Variants in EYA2 observed in about 807,000 individuals in gnomAD.
The protein encoded by EYA2 is EYA transcriptional coactivator and phosphatase 2.
Under a neutral mutation model 69.2 loss-of-function variants are expected in EYA2, and 31 were observed. That is an observed-to-expected ratio of 0.45 (90% CI 0.34 to 0.60). The LOEUF is 0.60. Among genes scored for constraint, EYA2 ranks in the 20% least tolerant of loss-of-function variants. EYA2 has a pLI of 0.02. For synonymous variants in EYA2, 257 were observed against 279.4 expected (o/e 0.92, Z 0.80); for missense variants, 622 against 701.2 (o/e 0.89, Z 1.28).
chr20:46,897,717 T>G (rs1415209266), intron 1 of EYA2, among the ~76,000 whole-genome samples: 1 of 152,218 alleles, frequency 6.6e-6, no homozygotes, highest in African/African-American at 2.4e-5. Context: ...GAAGAGAGCC[T>G]GTGGCTGTCA....
intron 1 of EYA2, among the ~76,000 whole-genome samples, chr20:46,909,630 T>C (rs1984549457): frequency 6.6e-6 from 1 of 152,228 alleles, no homozygotes; most frequent in Admixed American, 6.5e-5. Context: ...AGAGCTCAGA[T>C]GCAGGTCATG....
chr20:46,969,242 T>G (rs35601418), intron 1 of EYA2, among the ~76,000 whole-genome samples: 53,267 of 151,988 alleles, frequency 0.35, 10,795 homozygotes, highest in Non-Finnish European at 0.46. Flanking sequence ...TTGTTTGTTT[T>G]TTTGACACTT....
intron 1 of EYA2, among the ~76,000 whole-genome samples, chr20:46,936,863 C>G (rs1399565306): frequency 6.6e-6 from 1 of 152,134 alleles, no homozygotes; most frequent in Non-Finnish European, 1.5e-5. Flanking sequence ...CTGCCTCATG[C>G]CTGGAATAAT....
chr20:47,125,354 A>G (rs890588634), intron 9 of EYA2, among the ~76,000 whole-genome samples: 1 of 152,056 alleles, frequency 6.6e-6, no homozygotes, highest in African/African-American at 2.4e-5. Context: ...CTGCCTGGCC[A>G]GTTAAGTTCT....
At chr20:47,007,872 C>T (rs1299117376) in intron 4 of EYA2, among the ~76,000 whole-genome samples, 1 of 152,094 alleles carries the variant, frequency 6.6e-6, no homozygotes, top group Non-Finnish European at 1.5e-5. Flanking sequence ...AAGCAATCCT[C>T]CTATCTCTGC....
chr20:47,180,076 AG>A (rs1223441022), intron 13 of EYA2, among the ~76,000 whole-genome samples, 164 bp downstream of exon 13: 1 of 152,010 alleles, frequency 6.6e-6, no homozygotes, highest in Non-Finnish European at 1.5e-5. Flanking sequence ...TCTGTCGCCC[AG>A]GCTGGAGTGC....
intron 5 of EYA2, among the ~76,000 whole-genome samples, chr20:47,027,953 C>T (rs1600651997): frequency 6.6e-6 from 1 of 152,152 alleles, no homozygotes; most frequent in African/African-American, 2.4e-5. Context: ...TGTTTCCCGC[C>T]CCTAAAATTC....
chr20:46,986,865 C>T (rs886553541), intron 1 of EYA2, among the ~76,000 whole-genome samples: 1 of 152,124 alleles, frequency 6.6e-6, no homozygotes, highest in Admixed American at 6.5e-5. Flanking sequence ...TCCCACTAGC[C>T]CCACAACACT....
At chr20:47,026,514 CAAA>C (rs531562167) in intron 5 of EYA2, among the ~76,000 whole-genome samples, 1 of 148,540 alleles carries the variant, frequency 6.7e-6, no homozygotes, top group Non-Finnish European at 1.5e-5. Context: ...AGCAAACAAA[CAAA>C]AAAAAAGAAA....
intron 5 of EYA2, among the ~76,000 whole-genome samples, chr20:47,056,038 CT>C (rs1458733844): frequency 6.6e-6 from 1 of 152,228 alleles, no homozygotes; most frequent in African/African-American, 2.4e-5. Flanking sequence ...GGCAGCCTAT[CT>C]GAAATGGCGT....
chr20:47,170,611 C>T (rs1300831709), intron 11 of EYA2, among the ~76,000 whole-genome samples: 1 of 150,802 alleles, frequency 6.6e-6, no homozygotes, highest in Non-Finnish European at 1.5e-5. Context: ...CGTGCCACTG[C>T]ACTCCAGCCT....
intron 1 of EYA2, among the ~76,000 whole-genome samples, chr20:46,961,659 G>A (rs35666081): frequency 0.35 from 53,698 of 152,012 alleles, 10,567 homozygotes; most frequent in Admixed American, 0.51. Context: ...AATGTGGTAG[G>A]TACATATACA....
intron 11 of EYA2, among the ~76,000 whole-genome samples, chr20:47,170,089 G>A (rs1471335112): frequency 2.6e-5 from 4 of 151,602 alleles, no homozygotes; most frequent in Admixed American, 2.6e-4. Flanking sequence ...TGTTTTTTTA[G>A]TAGAGGCGGG....
chr20:46,992,919 C>T (rs997989644), intron 2 of EYA2, among the ~76,000 whole-genome samples: 3 of 152,180 alleles, frequency 2.0e-5, no homozygotes, highest in African/African-American at 7.2e-5. Context: ...GCCTACTGTT[C>T]TCCCTCCTCC....
chr20:47,014,846 C>T (rs1175703014), intron 4 of EYA2, among the ~76,000 whole-genome samples: 1 of 151,924 alleles, frequency 6.6e-6, no homozygotes, highest in East Asian at 1.9e-4. Flanking sequence ...CTCAAAACCA[C>T]CCAAAAGTTA....
rs2034697220 is a variant in EYA2, at chr20:47,188,629, G to A, written c.*496G>A. ...TCTATTCTCCAAGTTGTGCTTTGTG[G>A]GGACAATCATTCTTTGAACATTAGA... is the stretch of plus-strand genomic sequence containing the variant. On this transcript the variant is annotated 3_prime_UTR_variant, in exon 16 of 16. Coordinates refer to ENST00000327619, the MANE Select transcript of EYA2 (RefSeq NM_005244.5). 1 of 358,944 alleles carries A rather than the reference G, an allele frequency of 2.8e-6. No individual in the cohort carries two copies. The allele number at this position is 358,944 out of a possible 1,614,324, so 22.2% of individuals were successfully genotyped here.
At chr20:47,133,491 T>G (rs979496225) in intron 9 of EYA2, among the ~76,000 whole-genome samples, 3 of 152,164 alleles carry the variant, frequency 2.0e-5, no homozygotes, top group African/African-American at 7.2e-5. Context: ...GCTGCCTCCT[T>G]TGCTAACCGG....
chr20:46,995,779 GAAC>G (rs1423100626), intron 2 of EYA2, among the ~76,000 whole-genome samples: 1 of 152,190 alleles, frequency 6.6e-6, no homozygotes, highest in Non-Finnish European at 1.5e-5. Context: ...AAAAAAGTGT[GAAC>G]ATTCAAATTG....
intron 1 of EYA2, among the ~76,000 whole-genome samples, chr20:46,937,061 A>C (rs893322442): frequency 2.6e-5 from 4 of 152,192 alleles, no homozygotes; most frequent in Non-Finnish European, 5.9e-5. Flanking sequence ...CCTGTGAAGA[A>C]AGAGACAACA....
Sources: allele counts gnomAD v4.1 joint callset (sites outside exome capture counted in the v4.1 genomes callset), GRCh38; gene constraint gnomAD v4.1.1; transcripts MANE v1.5; gene names NCBI Gene and HGNC (gene_info 2026-07-23, HGNC 2026-07-21).